The following ELF2 variants were observed in gnomAD, a reference collection of about 807,000 sequenced individuals.
ELF2 encodes ETS-related transcription factor Elf-2.
ELF2 carries 11 observed loss-of-function variants against 54.8 expected under a neutral mutation model. The ratio of observed to expected loss-of-function variants is 0.20; its 90% CI spans 0.13 to 0.33. The LOEUF (loss-of-function observed/expected upper bound fraction) is 0.33, where lower values mean the gene tolerates loss of function less well. Ranked by LOEUF, ELF2 falls within the 10% of genes least tolerant of loss-of-function variation. The pLI, the probability that ELF2 is intolerant of heterozygous loss-of-function variation, is 1.00. For missense variants in ELF2, 513 were observed against 703.0 expected (o/e 0.73, Z 3.06); for synonymous variants, 203 against 245.1 (o/e 0.83, Z 1.61).
chr4:139,084,110 G>A (rs1396865377), intron 4 of ELF2: 1 of 1,613,140 alleles, frequency 6.2e-7, no homozygotes. Flanking sequence ...CGATGCACGG[G>A]AGAAAAGTTC....
At chr4:139,124,868 ATAAC>A (rs1452012797) in intron 4 of ELF2, among the ~76,000 whole-genome samples, 6 of 152,192 alleles carry the variant, frequency 3.9e-5, no homozygotes, top group Non-Finnish European at 4.4e-5. Flanking sequence ...ACTTGTATAA[ATAAC>A]AGCTAGGATT....
intron 4 of ELF2, among the ~76,000 whole-genome samples, chr4:139,107,679 C>A (rs906150156): frequency 2.0e-5 from 3 of 152,148 alleles, no homozygotes; most frequent in Non-Finnish European, 4.4e-5. Context: ...AATAGCTAAA[C>A]AGACTTCTAT....
chr4:139,130,217 C>T (rs888949663), intron 3 of ELF2, among the ~76,000 whole-genome samples: 1 of 151,112 alleles, frequency 6.6e-6, no homozygotes, highest in Non-Finnish European at 1.5e-5. Context: ...CCTCCTAGCC[C>T]TCAAAAAAAA....
intron 3 of ELF2, among the ~76,000 whole-genome samples, chr4:139,134,372 TTTCA>T (rs1284270634): frequency 6.6e-6 from 1 of 151,950 alleles, no homozygotes; most frequent in Non-Finnish European, 1.5e-5. Context: ...TTTTTTGTGT[TTTCA>T]TTGTTTTTGT....
chr4:139,070,533 C>T (rs540107472), intron 6 of ELF2, among the ~76,000 whole-genome samples: 1 of 152,268 alleles, frequency 6.6e-6, no homozygotes, highest in South Asian at 2.1e-4. Context: ...TCAAGTGATC[C>T]ACCCACCTCA....
At chr4:139,124,511 G>T (rs534050451) in intron 4 of ELF2, among the ~76,000 whole-genome samples, 33 of 151,440 alleles carry the variant, frequency 2.2e-4, no homozygotes, top group South Asian at 4.2e-4. Flanking sequence ...TGATACATTT[G>T]CATGTTTATT....
At chr4:139,104,714 C>T (rs781005156) in intron 4 of ELF2, among the ~76,000 whole-genome samples, 2 of 152,020 alleles carry the variant, frequency 1.3e-5, no homozygotes, top group Non-Finnish European at 2.9e-5. Flanking sequence ...GGTATTGTTA[C>T]ACACATAAAA....
At chr4:139,084,475 G>T (rs1224206986) in intron 4 of ELF2, 3 of 982,402 alleles carry the variant, frequency 3.1e-6, no homozygotes, top group Non-Finnish European at 2.5e-6. Flanking sequence ...TGGCTGTGGC[G>T]GCCGCCGCAG....
At position 139,068,271 on chromosome 4, in the gene ELF2, G is replaced by A. The variant is rs575842899; in HGVS notation, c.527-501C>T. On this transcript the variant is annotated intron_variant, in intron 6 of 9. Coordinates refer to ENST00000686138, the MANE Select transcript of ELF2 (RefSeq NM_001331036.3). The stretch of plus-strand genomic sequence containing the variant: ...CCTGACCTCGTGATCCGTCCGCCTC[G>A]GCCTCCCAAAGTGCTGGGATTACAG... Among the ~76,000 whole-genome samples, 10 of 152,192 alleles carry A rather than the reference G, an allele frequency of 6.6e-5. No individual in the cohort carries two copies. The South Asian group carries it at 1.2e-3, about 19-fold the overall frequency.
In ELF2 at chr4:139,156,603, T is replaced by G. The variant is rs114369081; in HGVS notation, c.-251-17106A>C. Among the ~76,000 whole-genome samples the G allele has an allele frequency of 6.3e-3, 961 of 151,352 alleles. 14 individuals carry two copies. Among genetic ancestry groups the G allele is most frequent in the African/African-American group, 0.023 (929 of 41,198 alleles). ...ACATACATGTTCATTCATAGATATA[T>G]ATATATATATTTGTTGTTTTGTTGT... On this transcript the variant is annotated intron_variant, in intron 1 of 9. Transcript: ENST00000686138.
chr4:139,166,596 C>T (rs930770158), intron 1 of ELF2, among the ~76,000 whole-genome samples: 1 of 151,688 alleles, frequency 6.6e-6, no homozygotes. Flanking sequence ...AGGCCGGGCA[C>T]GGTGGCTCAC....
Position 139,139,476 on chromosome 4 carries a change from C to G in ELF2, c.-230G>C. On this transcript the variant is annotated 5_prime_UTR_variant, in exon 2 of 10. Coordinates refer to ENST00000686138, the MANE Select transcript of ELF2 (RefSeq NM_001331036.3). ...TTCACAACTTGGGAAGAGCTAAAATCTGAACCAGTAGTTCTTTGGAACTGC... is the reference window on the plus strand; with the variant it reads ...TTCACAACTTGGGAAGAGCTAAAATGTGAACCAGTAGTTCTTTGGAACTGC... The G allele has an allele frequency of 2.4e-6, 3 of 1,229,504 alleles. No homozygotes were observed. The highest frequency in any genetic ancestry group is 3.0e-6 in the Non-Finnish European group (3 of 986,832). 76.2% of individuals were successfully genotyped at this position (1,229,504 alleles called of 1,614,324 possible). A position where few individuals can be genotyped will look rare whatever the true frequency, so the allele number is the denominator to read the frequency against.
intron 4 of ELF2, among the ~76,000 whole-genome samples, chr4:139,107,527 C>A (rs1349673411): frequency 6.6e-6 from 1 of 151,906 alleles, no homozygotes; most frequent in Non-Finnish European, 1.5e-5. Context: ...TTTAAAAATA[C>A]AAAAAAATCA....
At chr4:139,156,010 G>A (rs1381503761) in intron 1 of ELF2, among the ~76,000 whole-genome samples, 1 of 144,710 alleles carries the variant, frequency 6.9e-6, no homozygotes, top group Non-Finnish European at 1.5e-5. Flanking sequence ...AAATTGAAGA[G>A]GCTAATTGGA....
At chr4:139,126,779 T>C (rs892636157) in intron 3 of ELF2, among the ~76,000 whole-genome samples, 4 of 152,186 alleles carry the variant, frequency 2.6e-5, no homozygotes, top group African/African-American at 9.7e-5. Context: ...TCTCAAACAT[T>C]TACCTTTCAT....
chr4:139,098,867 T>C (rs1733579102), intron 4 of ELF2, among the ~76,000 whole-genome samples: 1 of 152,246 alleles, frequency 6.6e-6, no homozygotes, highest in African/African-American at 2.4e-5. Flanking sequence ...CACAGGTTCT[T>C]GTCTTGTGAT....
At chr4:139,084,443 G>A in intron 4 of ELF2, 4 of 1,150,040 alleles carry the variant, frequency 3.5e-6, no homozygotes, top group Non-Finnish European at 4.3e-6. Flanking sequence ...GGCAGGGGCG[G>A]CGGCGGCGGC....
At chr4:139,088,636 G>T (rs1488519119) in intron 4 of ELF2, among the ~76,000 whole-genome samples, 1 of 152,148 alleles carries the variant, frequency 6.6e-6, no homozygotes, top group South Asian at 2.1e-4. Context: ...ACCGTTAAAT[G>T]TGACTGTTTG....
At chr4:139,062,461 GTGTCCGGCC>G (rs1728017048) in intron 7 of ELF2, among the ~76,000 whole-genome samples, 1 of 152,112 alleles carries the variant, frequency 6.6e-6, no homozygotes, top group South Asian at 2.1e-4. Context: ...GTGAGCCACT[GTGTCCGGCC>G]TGTTTCTACT....
Sources: allele counts gnomAD v4.1 joint callset (sites outside exome capture counted in the v4.1 genomes callset), GRCh38; gene constraint gnomAD v4.1.1; transcripts MANE v1.5; gene names NCBI Gene and HGNC (gene_info 2026-07-23, HGNC 2026-07-21).